Variants in TMEM168 observed in about 807,000 individuals in gnomAD.
The protein encoded by TMEM168 is transmembrane protein 168.
TMEM168 carries 40 observed loss-of-function variants against 53.2 expected under a neutral mutation model. That is an observed-to-expected ratio of 0.75 (90% CI 0.58 to 0.98). TMEM168 has a LOEUF of 0.98. Ranked by LOEUF, TMEM168 falls within the 50% of genes least tolerant of loss-of-function variation. The pLI is 0.00. For missense variants in TMEM168, 771 were observed against 828.8 expected (o/e 0.93, Z 0.86); for synonymous variants, 282 against 293.0 (o/e 0.96, Z 0.38).
Position 112,767,131 on chromosome 7 carries a change from AAAAATGGCAAG to A in TMEM168, c.*55_*65del. Reference sequence around the variant, plus strand: ...TCCACAAATAAAAATACAGCATACAAAAAATGGCAAGTTAGTGATAATTGGTAGTATGAGTG... The same window carrying A: ...TCCACAAATAAAAATACAGCATACAATTAGTGATAATTGGTAGTATGAGTG... On this transcript the variant is annotated 3_prime_UTR_variant, in exon 5 of 5. Coordinates refer to ENST00000312814, the MANE Select transcript of TMEM168 (RefSeq NM_022484.6). 6.7e-7 allele frequency: 1 copy of A among 1,482,262 alleles called. No individual in the cohort carries two copies. The allele number at this position is 1,482,262 out of a possible 1,614,324, so 91.8% of individuals were successfully genotyped here.
At chr7:112,770,290 G>A (rs1792895002) in intron 4 of TMEM168, among the ~76,000 whole-genome samples, 1 of 152,166 alleles carries the variant, frequency 6.6e-6, no homozygotes, top group Admixed American at 6.6e-5. Flanking sequence ...GGCCATGCAT[G>A]ACAGTATGCA....
intron 4 of TMEM168, among the ~76,000 whole-genome samples, chr7:112,768,301 T>C (rs1309017186): frequency 6.6e-6 from 1 of 152,248 alleles, no homozygotes; most frequent in African/African-American, 2.4e-5. Flanking sequence ...ATGGCTGCTA[T>C]TGCTCTAAAG....
At position 112,784,225 on chromosome 7, in the gene TMEM168, C is replaced by G; in HGVS notation, c.601G>C (p.Ala201Pro). 6.2e-7 allele frequency: 1 copy of G among 1,613,680 alleles called. No individual in the cohort carries two copies. Among genetic ancestry groups the G allele is most frequent in the Non-Finnish European group, 8.5e-7 (1 of 1,179,936 alleles). Residue 201 changes from alanine to proline, a missense_variant, in exon 2 of 5, where the codon GCT (alanine) becomes CCT (proline). Ala to Pro is a conservative substitution (Grantham distance 27). Coordinates refer to ENST00000312814, the MANE Select transcript of TMEM168 (RefSeq NM_022484.6). ...GCAAAAATAACTAAGTTTGGAATAG[C>G]TAAGAAAGATTTCATTCTCAGATCA... ...IIDLRMKSFLAIPNLVIFAVL... is the reference protein window; with the variant it reads ...IIDLRMKSFLPIPNLVIFAVL...
intron 4 of TMEM168, 89 bp downstream of exon 4, chr7:112,772,692 C>A: frequency 6.8e-7 from 1 of 1,459,966 alleles, no homozygotes; most frequent in Non-Finnish European, 9.3e-7. Flanking sequence ...ACTAAGAATC[C>A]TGGAAATTTA....
chr7:112,774,800 C>T (rs1584440845), intron 3 of TMEM168, among the ~76,000 whole-genome samples: 1 of 152,020 alleles, frequency 6.6e-6, no homozygotes, highest in Admixed American at 6.5e-5. Flanking sequence ...AGGCTGGTCT[C>T]GAACTCCTGA....
At chr7:112,770,601 T>G (rs1371271031) in intron 4 of TMEM168, among the ~76,000 whole-genome samples, 4 of 122,928 alleles carry the variant, frequency 3.3e-5, no homozygotes, top group South Asian at 2.5e-4. Flanking sequence ...CTGCGAGAGA[T>G]ATATATATGT....
At chr7:112,785,272 C>G (rs1294701701) in intron 1 of TMEM168, among the ~76,000 whole-genome samples, 1 of 152,148 alleles carries the variant, frequency 6.6e-6, no homozygotes, top group African/African-American at 2.4e-5. Context: ...GTGAAATGTT[C>G]GCTTTAGCTT....
intron 1 of TMEM168, among the ~76,000 whole-genome samples, chr7:112,787,492 G>C (rs1793415589): frequency 6.6e-6 from 1 of 152,084 alleles, no homozygotes; most frequent in Non-Finnish European, 1.5e-5. Context: ...CGATTCTCCT[G>C]CAACCTCTGA....
chr7:112,770,979 T>C (rs1269949908), intron 4 of TMEM168, among the ~76,000 whole-genome samples: 1 of 152,200 alleles, frequency 6.6e-6, no homozygotes, highest in Non-Finnish European at 1.5e-5. Flanking sequence ...ATTCTATTTC[T>C]GTAAAGGCTA....
chr7:112,771,556 G>A (rs1250620970), intron 4 of TMEM168, among the ~76,000 whole-genome samples: 1 of 152,042 alleles, frequency 6.6e-6, no homozygotes. Flanking sequence ...TCTACTAGAA[G>A]GCCACTGAGT....
Position 112,766,887 on chromosome 7 carries a change from C to A in TMEM168, c.*310G>T. ...TAAGGCATTAGTAATTCATCATTGA[C>A]CATTGCAGAGCATAGACAACTGTTT... On this transcript the variant is annotated 3_prime_UTR_variant, in exon 5 of 5. Coordinates refer to ENST00000312814, the MANE Select transcript of TMEM168 (RefSeq NM_022484.6). The A allele has an allele frequency of 3.8e-6, 1 of 260,172 alleles. No individual in the cohort carries two copies. Among genetic ancestry groups the A allele is most frequent in the South Asian group, 8.5e-5 (1 of 11,732 alleles). 16.1% of individuals were successfully genotyped at this position (260,172 alleles called of 1,614,324 possible).
chr7:112,769,676 T>C (rs1187394617), intron 4 of TMEM168, among the ~76,000 whole-genome samples: 1 of 152,220 alleles, frequency 6.6e-6, no homozygotes, highest in East Asian at 1.9e-4. Flanking sequence ...TACTTACATT[T>C]ATCTAAGCTA....
intron 2 of TMEM168, among the ~76,000 whole-genome samples, chr7:112,780,471 C>T (rs892642459): frequency 2.0e-5 from 3 of 152,188 alleles, no homozygotes; most frequent in Non-Finnish European, 4.4e-5. Flanking sequence ...TAAACTGGAA[C>T]ATCCATACAA....
chr7:112,765,714 A>G lies in TMEM168; in HGVS notation c.*1483T>C, dbSNP rs1792758815. 1 of 152,530 alleles carries G rather than the reference A, an allele frequency of 6.6e-6. No individual in the cohort carries two copies. Among genetic ancestry groups the G allele is most frequent in the South Asian group, 2.1e-4 (1 of 4,834 alleles). 9.4% of individuals were successfully genotyped at this position (152,530 alleles called of 1,614,324 possible). A position where few individuals can be genotyped will look rare whatever the true frequency, so the allele number is the denominator to read the frequency against. On this transcript the variant is annotated 3_prime_UTR_variant, in exon 5 of 5. Transcript: ENST00000312814. ...ATATACTAAAATATTCAATATTTGC[A>G]CATCATTAAATAAAAAATTAATTTT...
rs565231992 is a variant in TMEM168 at position 112,771,297 on chromosome 7, TG to T, written c.1546+1483del. On this transcript the variant is annotated intron_variant, in intron 4 of 4. Transcript: ENST00000312814. ...CACCCTTGGAGGCAACATGGTAGAG[TG>T]GGGGGAAAAATACACTTTAGGAATC... Among the ~76,000 whole-genome samples the T allele has an allele frequency of 6.6e-5, 10 of 152,050 alleles. No homozygotes were observed. In the East Asian group the frequency reaches 1.5e-3, roughly 23 times the overall value.
intron 4 of TMEM168, among the ~76,000 whole-genome samples, chr7:112,768,635 T>C (rs867071345): frequency 1.3e-5 from 2 of 152,224 alleles, no homozygotes; most frequent in Non-Finnish European, 2.9e-5. Flanking sequence ...TTTTTAAGTA[T>C]ACTACATTAA....
intron 4 of TMEM168, among the ~76,000 whole-genome samples, chr7:112,770,019 A>G (rs1274256396): frequency 2.0e-5 from 3 of 152,222 alleles, no homozygotes; most frequent in Non-Finnish European, 4.4e-5. Context: ...TTCCTATTTC[A>G]AAGTTTGCTG....
In TMEM168 at chr7:112,784,277, A is replaced by G. The variant is rs1793313628; in HGVS notation, c.549T>C (p.Leu183=). The G allele has an allele frequency of 9.3e-6, 15 of 1,614,158 alleles. No individual in the cohort carries two copies. Among genetic ancestry groups the G allele is most frequent in the Non-Finnish European group, 1.2e-5 (14 of 1,180,012 alleles). The stretch of plus-strand genomic sequence containing the variant: ...TAATCAGCATAGCCAGAGCTACAAC[A>G]AGCAAAATGACACTCAGAGACTTCT... ...LVEKSLSVIL[L]VVALAMLIID... Residue 183 remains leucine (L), a synonymous_variant, in exon 2 of 5, where the codon CTT becomes CTC. Coordinates refer to ENST00000312814, the MANE Select transcript of TMEM168 (RefSeq NM_022484.6).
chr7:112,781,835 T>C lies in TMEM168; in HGVS notation c.1128+1863A>G, dbSNP rs538082159. The stretch of plus-strand genomic sequence containing the variant: ...TAGTGTTGAGCAAAGAATTCTTAGA[T>C]AAGATACTAAAAGCAGAGCCCATAA... On this transcript the variant is annotated intron_variant, in intron 2 of 4. Coordinates refer to ENST00000312814, the MANE Select transcript of TMEM168 (RefSeq NM_022484.6). Among the ~76,000 whole-genome samples the C allele has an allele frequency of 3.9e-5, 6 of 152,172 alleles. No individual in the cohort carries two copies. In the South Asian group the frequency reaches 1.2e-3, roughly 32 times the overall value.
Sources: allele counts gnomAD v4.1 joint callset (sites outside exome capture counted in the v4.1 genomes callset), GRCh38; gene constraint gnomAD v4.1.1; transcripts MANE v1.5; gene names NCBI Gene and HGNC (gene_info 2026-07-23, HGNC 2026-07-21).